Variants in SORCS2 observed in about 807,000 individuals in gnomAD.
The protein encoded by SORCS2 is sortilin related VPS10 domain containing receptor 2.
A neutral mutation model predicts 141.6 loss-of-function variants in SORCS2; 100 were observed. The observed-to-expected ratio is 0.71, with a 90% CI of 0.60 to 0.83. The LOEUF (loss-of-function observed/expected upper bound fraction) is 0.83, where lower values mean the gene tolerates loss of function less well. Ranked by LOEUF, SORCS2 falls within the 40% of genes least tolerant of loss-of-function variation. The probability of loss-of-function intolerance (pLI) is 0.00; values close to 1 mark genes in which losing one functional copy is unlikely to be tolerated. For missense variants in SORCS2, 1,646 were observed against 1,560.2 expected, an observed-to-expected ratio of 1.05 and a Z score of -0.93; for synonymous variants, 789 against 676.9, an observed-to-expected ratio of 1.17 and a Z score of -2.57.
intron 4 of SORCS2, among the ~76,000 whole-genome samples, chr4:7,639,782 T>G (rs1029364540): frequency 1.6e-4 from 25 of 151,668 alleles, no homozygotes; most frequent in East Asian, 1.9e-4. Context: ...CGTGTGTGTG[T>G]GTGGGTATGT....
intron 1 of SORCS2, among the ~76,000 whole-genome samples, chr4:7,281,824 C>T (rs528421376): frequency 6.6e-5 from 10 of 152,284 alleles, no homozygotes; most frequent in African/African-American, 1.9e-4. Flanking sequence ...GTTTCAGTGC[C>T]GTCTGTGGGT....
At chr4:7,724,919 A>G (rs1727078284) in intron 19 of SORCS2, among the ~76,000 whole-genome samples, 2 of 23,200 alleles carry the variant, frequency 8.6e-5, no homozygotes, top group African/African-American at 5.0e-4. Flanking sequence ...ATTGGTGGGA[A>G]TGGATGGTGG....
chr4:7,495,867 A>G (rs186522620), intron 2 of SORCS2, among the ~76,000 whole-genome samples: 8 of 152,260 alleles, frequency 5.3e-5, no homozygotes, highest in Admixed American at 4.6e-4. Context: ...CCCAGGGAGG[A>G]GCTGAGGCCC....
intron 21 of SORCS2, 85 bp downstream of exon 21, chr4:7,726,988 A>G: frequency 1.5e-6 from 2 of 1,301,504 alleles, no homozygotes; most frequent in Middle Eastern, 2.0e-4. Flanking sequence ...CGCGTAAGCC[A>G]TGGATGTCCT....
Position 7,689,392 on chromosome 4 carries a change from A to G in SORCS2, c.1489-94A>G, listed in dbSNP as rs548490810. The G allele has an allele frequency of 3.2e-6, 4 of 1,259,800 alleles. No homozygotes were observed. The Admixed American group carries it at 6.2e-5, about 20-fold the overall frequency. 78.0% of individuals were successfully genotyped at this position (1,259,800 alleles called of 1,614,324 possible). A position where few individuals can be genotyped will look rare whatever the true frequency, so the allele number is the denominator to read the frequency against. On this transcript the variant is annotated intron_variant, in intron 10 of 26. Transcript: ENST00000507866. ...ACTCCTGGCCCAGCCTTCTCTCCCA[A>G]AAAGCCACAGGGGCAGATTTGTCAT...
At chr4:7,220,742 C>T (rs1321922075) in intron 1 of SORCS2, among the ~76,000 whole-genome samples, 1 of 152,088 alleles carries the variant, frequency 6.6e-6, no homozygotes, top group Non-Finnish European at 1.5e-5. Context: ...TCTCCAGGTG[C>T]GTCCCAGGTG....
rs73089778 is a variant in SORCS2 at position 7,533,828 on chromosome 4, C to T, written c.648+2199C>T. ...AGCCTCAGTTTCCTGGCCTGTAAAGCGGGCAGGTGGAAGGGCCCATGAGAT... is the reference window on the plus strand; with the variant it reads ...AGCCTCAGTTTCCTGGCCTGTAAAGTGGGCAGGTGGAAGGGCCCATGAGAT... On this transcript the variant is annotated intron_variant, in intron 3 of 26. Coordinates refer to ENST00000507866, the MANE Select transcript of SORCS2 (RefSeq NM_020777.3). Among the ~76,000 whole-genome samples, 1,465 of 152,228 alleles carry T rather than the reference C, an allele frequency of 9.6e-3. 34 individuals are homozygous for T. The highest frequency in any genetic ancestry group is 0.034 in the African/African-American group (1,419 of 41,530).
chr4:7,515,039 T>A (rs1295480679), intron 2 of SORCS2, among the ~76,000 whole-genome samples: 1 of 152,166 alleles, frequency 6.6e-6, no homozygotes, highest in Non-Finnish European at 1.5e-5. Flanking sequence ...AGTTAACCCT[T>A]TACTGCTCAG....
Position 7,192,643 on chromosome 4 carries a change from G to T in SORCS2, c.-4G>T. On this transcript the variant is annotated 5_prime_UTR_variant, in exon 1 of 27. Transcript: ENST00000507866. This position sits in a 1 kb window ranked among gnomAD's most constrained non-coding sequence, Gnocchi z 4.0. ...CGCCGGCTCCGCTGCCGCCCCTGGC[G>T]ACCATGGCGCACCGGGGGCCCTCGC... 3.0e-6 allele frequency: 3 copies of T among 987,502 alleles called. No individual in the cohort carries two copies. In the South Asian group the frequency reaches 1.4e-4, roughly 45 times the overall value. 61.2% of individuals were successfully genotyped at this position (987,502 alleles called of 1,614,324 possible).
chr4:7,407,765 C>A (rs1041586484), intron 2 of SORCS2, among the ~76,000 whole-genome samples: 1 of 152,016 alleles, frequency 6.6e-6, no homozygotes, highest in Non-Finnish European at 1.5e-5. Flanking sequence ...TCCTTTCTTA[C>A]TATTTTTCTT....
intron 3 of SORCS2, among the ~76,000 whole-genome samples, chr4:7,574,012 C>A (rs1297223028): frequency 6.6e-6 from 1 of 152,266 alleles, no homozygotes; most frequent in Non-Finnish European, 1.5e-5. Flanking sequence ...AGAAGGCAGC[C>A]CTTGTGCACC....
At chr4:7,550,017 C>A (rs766961989) in intron 3 of SORCS2, among the ~76,000 whole-genome samples, 1 of 151,644 alleles carries the variant, frequency 6.6e-6, no homozygotes, top group Admixed American at 6.6e-5. Flanking sequence ...AATCCACAGG[C>A]GGATGAACAG....
intron 2 of SORCS2, among the ~76,000 whole-genome samples, chr4:7,511,756 C>A (rs1379455430): frequency 6.6e-6 from 1 of 152,174 alleles, no homozygotes; most frequent in Non-Finnish European, 1.5e-5. Context: ...GCTTCCCCGT[C>A]TGGAATTCCA....
At chr4:7,662,190 G>A (rs1577912636) in intron 6 of SORCS2, among the ~76,000 whole-genome samples, 2 of 152,186 alleles carry the variant, frequency 1.3e-5, no homozygotes, top group East Asian at 1.9e-4. Context: ...AGCTTTCGGG[G>A]GCAGGGTCAG....
At chr4:7,587,223 G>A (rs1280476506) in intron 3 of SORCS2, among the ~76,000 whole-genome samples, 1 of 152,082 alleles carries the variant, frequency 6.6e-6, no homozygotes, top group Non-Finnish European at 1.5e-5. Context: ...GATTAGAAGA[G>A]GAAGAGAGTT....
At chr4:7,311,804 T>C (rs1055363285) in intron 1 of SORCS2, among the ~76,000 whole-genome samples, 2 of 152,210 alleles carry the variant, frequency 1.3e-5, no homozygotes, top group Admixed American at 6.5e-5. Context: ...TCCTTTATCA[T>C]GTATGTGATT....
At chr4:7,433,368 G>A (rs1727020148) in intron 2 of SORCS2, 1 of 1,463,152 alleles carries the variant, frequency 6.8e-7, no homozygotes. Flanking sequence ...GCTTCTGGCA[G>A]TGTTGCACAG....
intron 2 of SORCS2, among the ~76,000 whole-genome samples, chr4:7,400,070 G>T (rs955370252): frequency 1.3e-5 from 2 of 152,126 alleles, no homozygotes; most frequent in African/African-American, 4.8e-5. Context: ...AGGTTGGGCT[G>T]GTTAGGACCG....
At chr4:7,361,648 TCCA>T (rs1316118490) in intron 1 of SORCS2, among the ~76,000 whole-genome samples, 11 of 151,446 alleles carry the variant, frequency 7.3e-5, no homozygotes, top group African/African-American at 2.7e-4. Flanking sequence ...ACTCCAACAG[TCCA>T]GCAGGAGACA....
Sources: allele counts gnomAD v4.1 joint callset (sites outside exome capture counted in the v4.1 genomes callset), GRCh38; gene constraint gnomAD v4.1.1; non-coding constraint Gnocchi (gnomAD v3.1); transcripts MANE v1.5; gene names NCBI Gene and HGNC (gene_info 2026-07-23, HGNC 2026-07-21).